The following CHLSN variants were observed in gnomAD, a reference collection of about 807,000 sequenced individuals.
CHLSN encodes cholesin, also known as protein cholesin.
At chr7:1,073,651 C>T in the CHLSN span, among the ~76,000 whole-genome samples, 1 of 151,380 alleles carries the variant, frequency 6.6e-6, no homozygotes. Context: ...TGCCGTGATG[C>T]CCCCTGACTC....
At chr7:1,012,075 G>A in the CHLSN span, among the ~76,000 whole-genome samples, 1 of 152,256 alleles carries the variant, frequency 6.6e-6, no homozygotes, top group African/African-American at 2.4e-5. Context: ...AACGGGGCAG[G>A]CACAACAACT....
chr7:1,062,595 C>T, the CHLSN span, among the ~76,000 whole-genome samples: 1 of 152,192 alleles, frequency 6.6e-6, no homozygotes, highest in African/African-American at 2.4e-5. Flanking sequence ...ACAGGCGTTA[C>T]TCCTCCCAGA....
the CHLSN span, among the ~76,000 whole-genome samples, chr7:1,016,274 C>T: frequency 5.6e-5 from 3 of 53,178 alleles, 1 homozygote; most frequent in East Asian, 4.1e-4. Flanking sequence ...CAGCAGCGCA[C>T]GCCAGCACAC....
chr7:1,084,271 C>T, the CHLSN span, among the ~76,000 whole-genome samples: 3 of 152,234 alleles, frequency 2.0e-5, no homozygotes, highest in Admixed American at 6.5e-5. Flanking sequence ...GCATGTCACG[C>T]GGAGGCGGGG....
chr7:1,117,888 G>A, the CHLSN span, among the ~76,000 whole-genome samples: 1 of 152,136 alleles, frequency 6.6e-6, no homozygotes, highest in Non-Finnish European at 1.5e-5. Flanking sequence ...TGCCCAGGCT[G>A]GCCCTGAACT....
chr7:1,041,769 G>A, the CHLSN span, among the ~76,000 whole-genome samples: 1 of 151,960 alleles, frequency 6.6e-6, no homozygotes, highest in African/African-American at 2.4e-5. Context: ...ATCTCCGAGG[G>A]GAACGCCAGC....
the CHLSN span, among the ~76,000 whole-genome samples, chr7:1,037,384 G>A: frequency 4.4e-3 from 583 of 133,798 alleles, 9 homozygotes; most frequent in African/African-American, 0.015. Context: ...CCTGCCGAGT[G>A]CCTGCCATTG....
At chr7:987,446 A>G in the CHLSN span, 1 of 1,584,494 alleles carries the variant, frequency 6.3e-7, no homozygotes, top group South Asian at 1.1e-5. Context: ...GTGCTCCACG[A>G]GGTGCAGCGG....
chr7:994,251 G>A, the CHLSN span, among the ~76,000 whole-genome samples: 2 of 152,056 alleles, frequency 1.3e-5, no homozygotes, highest in Admixed American at 6.6e-5. Flanking sequence ...TCTGCCTCCC[G>A]TGTTCAAGCG....
the CHLSN span, chr7:987,473 C>A: frequency 6.4e-7 from 1 of 1,560,530 alleles, no homozygotes; most frequent in Non-Finnish European, 8.6e-7. Flanking sequence ...ACGCTCCTGC[C>A]GCACGTGCCC....
chr7:984,168 T>C, the CHLSN span, among the ~76,000 whole-genome samples: 1 of 152,116 alleles, frequency 6.6e-6, no homozygotes, highest in Non-Finnish European at 1.5e-5. Flanking sequence ...GAATTTTGGC[T>C]AAAAAGAAAA....
the CHLSN span, chr7:1,057,380 G>A: frequency 1.2e-5 from 7 of 599,696 alleles, no homozygotes; most frequent in East Asian, 1.7e-4. Context: ...GCCTCGCTCT[G>A]TGGTCTGCAG....
the CHLSN span, among the ~76,000 whole-genome samples, chr7:1,115,415 G>A: frequency 3.9e-5 from 6 of 152,250 alleles, no homozygotes; most frequent in Admixed American, 2.6e-4. Flanking sequence ...CAGGAAATCA[G>A]GAGGCGCTCC....
chr7:1,136,049 TA>T, the CHLSN span, among the ~76,000 whole-genome samples: 2 of 115,782 alleles, frequency 1.7e-5, no homozygotes, highest in Admixed American at 1.0e-4. Context: ...AATATATAAG[TA>T]TATATAAATA....
the CHLSN span, chr7:997,732 C>T: frequency 6.8e-6 from 11 of 1,611,474 alleles, no homozygotes; most frequent in Admixed American, 1.7e-5. Context: ...GCCTTCTGCA[C>T]CGTCAGCTCT....
the CHLSN span, chr7:1,093,501 G>C: frequency 2.1e-6 from 1 of 470,556 alleles, no homozygotes; most frequent in Admixed American, 2.3e-5. Context: ...AGCAGCGCTC[G>C]GCCCGGAGCA....
the CHLSN span, among the ~76,000 whole-genome samples, chr7:1,053,189 G>A: frequency 6.6e-6 from 1 of 150,898 alleles, no homozygotes; most frequent in Admixed American, 6.6e-5. Context: ...CCACGGACAG[G>A]CAAGGAGTCG....
chr7:1,034,498 T>C, the CHLSN span, among the ~76,000 whole-genome samples: 26,744 of 152,134 alleles, frequency 0.18, 2,789 homozygotes, highest in Admixed American at 0.23. Context: ...TAGAAGGAAC[T>C]GCATGCCTGA....
At chr7:1,021,190 G>A in the CHLSN span, among the ~76,000 whole-genome samples, 3 of 151,520 alleles carry the variant, frequency 2.0e-5, no homozygotes, top group Middle Eastern at 3.2e-3. Flanking sequence ...GAACCTCCAG[G>A]TTGGGGACCT....
Sources: allele counts gnomAD v4.1 joint callset (sites outside exome capture counted in the v4.1 genomes callset), GRCh38; gene constraint gnomAD v4.1.1; transcripts MANE v1.5; gene names NCBI Gene and HGNC (gene_info 2026-07-23, HGNC 2026-07-21).